DMAC2L: variants seen among roughly 807,000 people sequenced by gnomAD.
DMAC2L encodes distal membrane arm assembly component 2 like, also known as ATP synthase subunit s, mitochondrial.
In DMAC2L, 21 loss-of-function variants were observed where a neutral mutation model predicts 22.5. The ratio of observed to expected loss-of-function variants is 0.93; its 90% CI spans 0.66 to 1.34. The LOEUF (loss-of-function observed/expected upper bound fraction) is 1.34, where lower values mean the gene tolerates loss of function less well. Ranked by LOEUF, DMAC2L falls within the 40% of genes most tolerant of loss-of-function variation. The pLI is 0.00. For missense variants in DMAC2L, 239 were observed against 246.5 expected (o/e 0.97, Z 0.20); for synonymous variants, 86 against 89.5 (o/e 0.96, Z 0.22).
chr14:50,317,837 G>A (rs998478314), intron 2 of DMAC2L, among the ~76,000 whole-genome samples: 1 of 152,030 alleles, frequency 6.6e-6, no homozygotes, highest in African/African-American at 2.4e-5. Context: ...ATTCTTGGAG[G>A]GAATGCTTTA....
intron 2 of DMAC2L, chr14:50,319,096 G>A (rs1280131831): frequency 1.4e-6 from 2 of 1,465,272 alleles, no homozygotes; most frequent in South Asian, 1.4e-5. Flanking sequence ...GGTGATGGGG[G>A]AGGGAGGCTA....
In DMAC2L at chr14:50,322,616, G is replaced by T. The variant is rs781476927; in HGVS notation, c.213G>T (p.Gln71His). The T allele has an allele frequency of 1.9e-6, 3 of 1,614,190 alleles. No individual in the cohort carries two copies. The South Asian group carries it at 3.3e-5, about 18-fold the overall frequency. The change falls in exon 4 of 6, where the codon CAG becomes CAT. Residue 71 changes from glutamine (Q) to histidine (H), a missense_variant. Transcript: ENST00000557421. ...GCTACCATGGCCAGGAGAGGTGGCA[G>T]AAGGACTACAACCACCTTCCAACAG... ...MVRYHGQERW[Q>H]KDYNHLPTGP...
At chr14:50,317,046 ACT>A (rs1248694537) in intron 2 of DMAC2L, among the ~76,000 whole-genome samples, 1 of 152,018 alleles carries the variant, frequency 6.6e-6, no homozygotes, top group African/African-American at 2.4e-5. Flanking sequence ...CACAATGTTG[ACT>A]CTATCCATCC....
At position 50,325,900 on chromosome 14, in the gene DMAC2L, A is replaced by G; in HGVS notation, c.*177A>G. 2.4e-6 allele frequency: 3 copies of G among 1,258,624 alleles called. No individual in the cohort carries two copies. Among genetic ancestry groups the G allele is most frequent in the Non-Finnish European group, 2.0e-6 (2 of 997,616 alleles). The allele number at this position is 1,258,624 out of a possible 1,614,324, so 78.0% of individuals were successfully genotyped here. The stretch of plus-strand genomic sequence containing the variant: ...CAGACGTGGCTCATTAATGTTACTA[A>G]GTTGGAAGTGAGAATTTATGAACAT... On this transcript the variant is annotated 3_prime_UTR_variant, in exon 6 of 6. Transcript: ENST00000557421.
chr14:50,319,275 C>T (rs746805629), intron 2 of DMAC2L: 79 of 1,536,036 alleles, frequency 5.1e-5, no homozygotes, highest in East Asian at 3.2e-4. Context: ...GTAATGAAGA[C>T]GGCTGTAGTG....
chr14:50,315,883 CT>C, intron 2 of DMAC2L, among the ~76,000 whole-genome samples: 1 of 152,048 alleles, frequency 6.6e-6, no homozygotes, highest in Non-Finnish European at 1.5e-5. Flanking sequence ...GTGCAAGTAT[CT>C]TTTTTGTATA....
chr14:50,322,960 C>T (rs951715406), intron 4 of DMAC2L: 52 of 1,372,036 alleles, frequency 3.8e-5, no homozygotes, highest in South Asian at 3.7e-5. Context: ...GGTTTATTGA[C>T]TTAAAATCCA....
Position 50,325,806 on chromosome 14 carries a change from G to C in DMAC2L, c.*83G>C. 1 of 1,485,452 alleles carries C rather than the reference G, an allele frequency of 6.7e-7. No individual in the cohort carries two copies. The allele number at this position is 1,485,452 out of a possible 1,614,324, so 92.0% of individuals were successfully genotyped here. Reference sequence around the variant, plus strand: ...AACTAATATTATATAGTCATCAGTAGAATTATAAGGATGCCATATCATGAC... The same window carrying C: ...AACTAATATTATATAGTCATCAGTACAATTATAAGGATGCCATATCATGAC... On this transcript the variant is annotated 3_prime_UTR_variant, in exon 6 of 6. Transcript: ENST00000557421.
chr14:50,318,640 C>T (rs1163164362), intron 2 of DMAC2L, among the ~76,000 whole-genome samples: 2 of 152,056 alleles, frequency 1.3e-5, no homozygotes, highest in Non-Finnish European at 2.9e-5. Flanking sequence ...AGATGCCATC[C>T]TTGTTCTTTT....
chr14:50,316,201 A>G (rs2031787100), intron 2 of DMAC2L, among the ~76,000 whole-genome samples: 1 of 152,046 alleles, frequency 6.6e-6, no homozygotes, highest in Admixed American at 6.5e-5. Context: ...GGCCATTCAT[A>G]TATCTTCTTT....
In DMAC2L at chr14:50,326,806, T is replaced by G. The variant is rs2032722179; in HGVS notation, c.*1083T>G. The G allele has an allele frequency of 1.0e-6, 1 of 953,854 alleles. No individual in the cohort carries two copies. The highest frequency in any genetic ancestry group is 1.8e-5 in the African/African-American group (1 of 56,556). The allele number at this position is 953,854 out of a possible 1,614,324, so 59.1% of individuals were successfully genotyped here. ...CTGTAATCCCAGTGCTTTGGGAGGC[T>G]GAGGTGGGAGGATCACTTGAGACCA... On this transcript the variant is annotated 3_prime_UTR_variant, in exon 6 of 6. Coordinates refer to ENST00000557421, the MANE Select transcript of DMAC2L (RefSeq NM_001382507.1).
chr14:50,316,799 T>A (rs886965012), intron 2 of DMAC2L, among the ~76,000 whole-genome samples: 5 of 152,208 alleles, frequency 3.3e-5, no homozygotes, highest in African/African-American at 1.2e-4. Context: ...GACTATGGCC[T>A]TATGGTATAG....
chr14:50,317,068 G>A (rs538368022), intron 2 of DMAC2L, among the ~76,000 whole-genome samples: 8 of 152,152 alleles, frequency 5.3e-5, no homozygotes, highest in Non-Finnish European at 1.0e-4. Flanking sequence ...CATGAGCATG[G>A]GATGTGTTTC....
At chr14:50,312,074 G>A (rs1391302922), upstream of DMAC2L, 4 of 1,601,976 alleles carry the variant, frequency 2.5e-6, no homozygotes, top group African/African-American at 1.3e-5. Context: ...GAACCCGCAC[G>A]CCCCAGGGGA....
chr14:50,312,270 G>GC, upstream of DMAC2L: 1 of 1,442,216 alleles, frequency 6.9e-7, no homozygotes, highest in South Asian at 1.2e-5. Context: ...GCGCGCCTTC[G>GC]CCCCATGTGG....
At position 50,312,360 on chromosome 14, in the gene DMAC2L, C is replaced by T. The variant is rs1015256336; in HGVS notation, c.-71C>T. ...GGTGCCGCAGACGCGGGGACGCTGG[C>T]TCGCTCCCTCCCTCCCTCCCTCCGA... On this transcript the variant is annotated 5_prime_UTR_variant, in exon 1 of 6. Transcript: ENST00000557421. 20 of 654,132 alleles carry T rather than the reference C, an allele frequency of 3.1e-5. No individual in the cohort carries two copies. Among genetic ancestry groups the T allele is most frequent in the Non-Finnish European group, 4.4e-5 (17 of 384,520 alleles). 40.5% of individuals were successfully genotyped at this position (654,132 alleles called of 1,614,324 possible).
At chr14:50,323,832 T>A (rs1411594576) in intron 4 of DMAC2L, 113 bp from the exon 5 acceptor site, 2 of 831,492 alleles carry the variant, frequency 2.4e-6, no homozygotes, top group Non-Finnish European at 3.8e-6. Context: ...AACTAAGAGG[T>A]TTCCCAGGAC....
At chr14:50,315,470 T>C (rs1330239046) in intron 2 of DMAC2L, among the ~76,000 whole-genome samples, 1 of 151,002 alleles carries the variant, frequency 6.6e-6, no homozygotes, top group African/African-American at 2.4e-5. Flanking sequence ...GAGACCATCT[T>C]GGTCAACATG....
At chr14:50,319,263 C>T (rs999969243) in intron 2 of DMAC2L, 2 of 1,536,026 alleles carry the variant, frequency 1.3e-6, no homozygotes, top group Non-Finnish European at 1.7e-6. Flanking sequence ...CAGAGGCTTG[C>T]AGTAATGAAG....
Sources: gnomAD v4.1 joint callset for allele counts (sites outside exome capture counted in the v4.1 genomes callset) on GRCh38, gnomAD v4.1.1 for gene constraint, MANE v1.5 for transcripts, NCBI Gene and HGNC (gene_info 2026-07-23, HGNC 2026-07-21) for gene names.